The following MAF variants were observed in gnomAD, a reference collection of about 807,000 sequenced individuals.
The protein encoded by MAF is transcription factor Maf.
A neutral mutation model predicts 22.0 loss-of-function variants in MAF; 10 were observed. The ratio of observed to expected loss-of-function variants is 0.45; its 90% CI spans 0.28 to 0.77. MAF has a LOEUF of 0.77. Among genes scored for constraint, MAF ranks in the 30% least tolerant of loss-of-function variants. The pLI is 0.12. For missense variants in MAF, 544 were observed against 548.4 expected, an observed-to-expected ratio of 0.99 and a Z score of 0.08; for synonymous variants, 337 against 255.8, an observed-to-expected ratio of 1.32 and a Z score of -3.03.
chr16:79,321,255 A>G, the MAF span, among the ~76,000 whole-genome samples: 1 of 152,212 alleles, frequency 6.6e-6, no homozygotes, highest in South Asian at 2.1e-4. Flanking sequence ...ATCACACCTC[A>G]AGGTAGGGGA....
chr16:79,597,152 C>T (rs1261650316), intron 1 of MAF: 2 of 1,056,928 alleles, frequency 1.9e-6, no homozygotes, highest in Non-Finnish European at 2.3e-6. Flanking sequence ...AACTCTACCC[C>T]CCTTAACATC....
chr16:79,391,634 C>A, the MAF span, among the ~76,000 whole-genome samples: 1 of 152,074 alleles, frequency 6.6e-6, no homozygotes. Flanking sequence ...GAGTTCAGGT[C>A]CCCCCGGGGT....
At chr16:79,505,942 A>C in the MAF span, among the ~76,000 whole-genome samples, 2 of 152,264 alleles carry the variant, frequency 1.3e-5, no homozygotes, top group Admixed American at 6.5e-5. Flanking sequence ...AGGAAGAGGA[A>C]GGAAAAGAGA....
At chr16:79,338,266 G>A in the MAF span, among the ~76,000 whole-genome samples, 1 of 152,232 alleles carries the variant, frequency 6.6e-6, no homozygotes, top group Non-Finnish European at 1.5e-5. Flanking sequence ...AGGTCTGAGT[G>A]AAGGTCAGGG....
At chr16:79,397,064 G>A in the MAF span, among the ~76,000 whole-genome samples, 3 of 152,176 alleles carry the variant, frequency 2.0e-5, no homozygotes, top group South Asian at 2.1e-4. Context: ...CTAAAATGCC[G>A]ACCTCATCCA....
At chr16:79,486,153 G>A in the MAF span, among the ~76,000 whole-genome samples, 2 of 152,132 alleles carry the variant, frequency 1.3e-5, no homozygotes, top group East Asian at 1.9e-4. Flanking sequence ...TGCCAGCTCA[G>A]GAACCCCTCT....
the MAF span, chr16:79,203,163 T>C: frequency 6.6e-6 from 1 of 152,204 alleles, no homozygotes; most frequent in Non-Finnish European, 1.5e-5. Context: ...CATCGACCAC[T>C]GTGAAGAGAT....
intron 1 of MAF, 64 bp downstream of exon 1, chr16:79,598,721 C>G (rs186342167): frequency 1.1e-5 from 17 of 1,607,540 alleles, no homozygotes; most frequent in African/African-American, 2.7e-5. Context: ...CAAGCCCACA[C>G]CCGAGCCGGA....
At chr16:79,480,848 C>A in the MAF span, among the ~76,000 whole-genome samples, 1 of 152,194 alleles carries the variant, frequency 6.6e-6, no homozygotes, top group African/African-American at 2.4e-5. Context: ...CATTTCCCAA[C>A]ATCTGTTTGG....
chr16:79,232,399 T>A, the MAF span, among the ~76,000 whole-genome samples: 4 of 152,112 alleles, frequency 2.6e-5, no homozygotes, highest in African/African-American at 9.6e-5. Context: ...ATACGACTTT[T>A]GGTAACACCT....
the MAF span, among the ~76,000 whole-genome samples, chr16:79,410,483 A>T: frequency 6.6e-6 from 1 of 152,230 alleles, no homozygotes; most frequent in South Asian, 2.1e-4. Flanking sequence ...CAATTCACCT[A>T]TGTGGTCCAC....
chr16:79,209,755 G>T, the MAF span, among the ~76,000 whole-genome samples: 3 of 152,160 alleles, frequency 2.0e-5, no homozygotes, highest in Non-Finnish European at 4.4e-5. Flanking sequence ...GTCTTTAGAG[G>T]CACTTCTGCT....
the MAF span, among the ~76,000 whole-genome samples, chr16:79,363,057 T>C: frequency 1.3e-5 from 2 of 152,098 alleles, no homozygotes; most frequent in African/African-American, 2.4e-5. Flanking sequence ...CTTTATCACC[T>C]GATATGGGTC....
the MAF span, among the ~76,000 whole-genome samples, chr16:79,380,066 C>A: frequency 1.1e-4 from 17 of 152,200 alleles, no homozygotes; most frequent in African/African-American, 3.9e-4. Flanking sequence ...TGGCATGGAA[C>A]CCCTCAGTGT....
At chr16:79,204,857 C>G in the MAF span, 1 of 152,208 alleles carries the variant, frequency 6.6e-6, no homozygotes, top group East Asian at 1.9e-4. Context: ...TCTCCAGGCT[C>G]GTTCCTGCAA....
the MAF span, among the ~76,000 whole-genome samples, chr16:79,242,449 G>A: frequency 6.5e-4 from 98 of 150,950 alleles, 1 homozygote; most frequent in Non-Finnish European, 3.5e-4. Context: ...GATCAAAAGA[G>A]ACAAAGAAGG....
chr16:79,265,502 G>A, the MAF span, among the ~76,000 whole-genome samples: 2 of 131,328 alleles, frequency 1.5e-5, no homozygotes, highest in African/African-American at 6.2e-5. Flanking sequence ...AAGACCTCCA[G>A]TGGACCCGAT....
chr16:79,258,395 A>G, the MAF span, among the ~76,000 whole-genome samples: 1 of 152,178 alleles, frequency 6.6e-6, no homozygotes, highest in African/African-American at 2.4e-5. Context: ...AGGAGTCTCT[A>G]AGCGGACATG....
the MAF span, among the ~76,000 whole-genome samples, chr16:79,245,374 T>C: frequency 0.83 from 125,779 of 151,800 alleles, 53,500 homozygotes; most frequent in African/African-American, 0.92. Flanking sequence ...CAAGAAAAAG[T>C]AACCCCATCA....
Sources: gnomAD v4.1 joint callset for allele counts (sites outside exome capture counted in the v4.1 genomes callset) on GRCh38, gnomAD v4.1.1 for gene constraint, MANE v1.5 for transcripts, NCBI Gene and HGNC (gene_info 2026-07-23, HGNC 2026-07-21) for gene names.